Variants in FRMD4A observed in about 807,000 individuals in gnomAD.
FRMD4A encodes FERM domain containing 4A.
FRMD4A carries 29 observed loss-of-function variants against 129.1 expected under a neutral mutation model. That is an observed-to-expected ratio of 0.22 (90% confidence interval 0.17 to 0.31). FRMD4A has a LOEUF of 0.31. Among genes scored for constraint, FRMD4A ranks in the 10% least tolerant of loss-of-function variants. FRMD4A has a pLI of 1.00. For missense variants in FRMD4A, 1,272 were observed against 1,375.8 expected (o/e 0.92, Z 1.19); for synonymous variants, 634 against 571.6 (o/e 1.11, Z -1.56).
chr10:13,659,582 G>A, intron 20 of FRMD4A, 92 bp from the exon 21 acceptor site: 1 of 1,315,554 alleles, frequency 7.6e-7, no homozygotes, highest in East Asian at 2.3e-5. Context: ...CCCAGCATGT[G>A]GGGAAAGCTC....
At chr10:14,074,668 A>C (rs981937142) in intron 2 of FRMD4A, 1 of 152,132 alleles carries the variant, frequency 6.6e-6, no homozygotes, top group Non-Finnish European at 1.5e-5. Context: ...CCCCCTTACC[A>C]TTTTTGAGTC....
At chr10:13,873,100 C>A (rs1374504361) in intron 2 of FRMD4A, among the ~76,000 whole-genome samples, 10 of 151,198 alleles carry the variant, frequency 6.6e-5, no homozygotes, top group Admixed American at 4.6e-4. Flanking sequence ...CACTTGAACC[C>A]AGGAGGTGGA....
chr10:14,223,763 A>G (rs1331543441), intron 2 of FRMD4A, among the ~76,000 whole-genome samples: 16 of 125,218 alleles, frequency 1.3e-4, no homozygotes, highest in South Asian at 4.9e-4. Context: ...AAAAAAAAAA[A>G]AGAGAGAGAG....
intron 2 of FRMD4A, among the ~76,000 whole-genome samples, chr10:14,121,338 A>G (rs898023449): frequency 6.6e-6 from 1 of 152,220 alleles, no homozygotes; most frequent in African/African-American, 2.4e-5. Context: ...ACTGCACTCC[A>G]GCCTGGGCAG....
chr10:14,235,502 T>C (rs1843781443), intron 2 of FRMD4A, among the ~76,000 whole-genome samples: 1 of 152,114 alleles, frequency 6.6e-6, no homozygotes, highest in Non-Finnish European at 1.5e-5. Flanking sequence ...AAGCGCTCTG[T>C]TTTATGGTTG....
At chr10:14,003,576 CTG>C (rs2095650597) in intron 2 of FRMD4A, 1 of 152,226 alleles carries the variant, frequency 6.6e-6, no homozygotes, top group African/African-American at 2.4e-5. Flanking sequence ...TACAGCAACT[CTG>C]TAAGTATTTG....
intron 2 of FRMD4A, among the ~76,000 whole-genome samples, chr10:14,166,131 A>G (rs1219158687): frequency 6.6e-6 from 1 of 150,936 alleles, no homozygotes; most frequent in Non-Finnish European, 1.5e-5. Context: ...TATTTTATTA[A>G]CATACTATAC....
At chr10:13,927,376 C>A (rs528506843) in intron 2 of FRMD4A, among the ~76,000 whole-genome samples, 1 of 152,326 alleles carries the variant, frequency 6.6e-6, no homozygotes, top group Admixed American at 6.5e-5. Context: ...TTTCTAGAAC[C>A]TAGACTCCTC....
intron 2 of FRMD4A, among the ~76,000 whole-genome samples, chr10:14,024,159 C>T (rs1209643648): frequency 6.6e-6 from 1 of 152,228 alleles, no homozygotes; most frequent in Non-Finnish European, 1.5e-5. Flanking sequence ...ATGGACTATT[C>T]TGTGCCACTC....
At chr10:14,049,155 C>T (rs1459189577) in intron 2 of FRMD4A, among the ~76,000 whole-genome samples, 5 of 152,190 alleles carry the variant, frequency 3.3e-5, no homozygotes, top group Non-Finnish European at 4.4e-5. Flanking sequence ...GTGGCCTGTT[C>T]AGTTCATTAC....
intron 2 of FRMD4A, among the ~76,000 whole-genome samples, chr10:14,198,112 A>G (rs1842524053): frequency 6.6e-6 from 1 of 152,168 alleles, no homozygotes; most frequent in Non-Finnish European, 1.5e-5. Flanking sequence ...ACTCTCCCAG[A>G]GCGTATTAGC....
In FRMD4A at chr10:13,693,889, T is replaced by C; in HGVS notation, c.1117+9A>G. On this transcript the variant is annotated intron_variant, in intron 15 of 24. Coordinates refer to ENST00000357447, the MANE Select transcript of FRMD4A (RefSeq NM_018027.5). ...TCAGGGGGCGTCCCTCCAGCTGGCC[T>C]CTGCCTACCTGAAGACAGCAGGCTG... 1 of 1,608,560 alleles carries C rather than the reference T, an allele frequency of 6.2e-7. No individual in the cohort carries two copies. The highest frequency in any genetic ancestry group is 8.5e-7 in the Non-Finnish European group (1 of 1,178,164).
At chr10:13,702,539 CATGT>C (rs1406711896) in intron 13 of FRMD4A, among the ~76,000 whole-genome samples, 2 of 126,510 alleles carry the variant, frequency 1.6e-5, no homozygotes, top group Middle Eastern at 3.9e-3. Context: ...TGTGTGTTTG[CATGT>C]GTGTGTGTGT....
At chr10:13,803,057 G>A (rs1190573873) in intron 4 of FRMD4A, among the ~76,000 whole-genome samples, 2 of 150,398 alleles carry the variant, frequency 1.3e-5, no homozygotes, top group African/African-American at 2.4e-5. Flanking sequence ...GCTGAGGCAT[G>A]AGAATCACTT....
intron 2 of FRMD4A, among the ~76,000 whole-genome samples, chr10:13,986,505 G>T (rs2095581824): frequency 1.0e-5 from 1 of 99,598 alleles, no homozygotes; most frequent in Non-Finnish European, 1.9e-5. Context: ...TGTGGGGTGG[G>T]GGGAGGGGGG....
chr10:14,054,294 C>T (rs151256057), intron 2 of FRMD4A, among the ~76,000 whole-genome samples: 8 of 152,300 alleles, frequency 5.3e-5, no homozygotes, highest in East Asian at 1.9e-4. Context: ...GCCACCTCTT[C>T]TGTGGCTGCT....
At chr10:13,809,458 G>A (rs1433971765) in intron 4 of FRMD4A, among the ~76,000 whole-genome samples, 1 of 152,186 alleles carries the variant, frequency 6.6e-6, no homozygotes, top group Non-Finnish European at 1.5e-5. Context: ...GGAGAAAGGG[G>A]AGAGAATAAT....
chr10:14,059,468 T>TTTCTCG (rs2131699793), intron 2 of FRMD4A, among the ~76,000 whole-genome samples: 1 of 152,166 alleles, frequency 6.6e-6, no homozygotes, highest in East Asian at 1.9e-4. Flanking sequence ...GCCCTCTCTC[T>TTTCTCG]TTCTCTCTCT....
chr10:14,326,795 C>A, intron 2 of FRMD4A: 1 of 398,576 alleles, frequency 2.5e-6, no homozygotes, highest in South Asian at 1.3e-4. Context: ...GCTTCCCGCT[C>A]TACAATTAGT....
Sources: allele counts gnomAD v4.1 joint callset (sites outside exome capture counted in the v4.1 genomes callset), GRCh38; gene constraint gnomAD v4.1.1; transcripts MANE v1.5; gene names NCBI Gene and HGNC (gene_info 2026-07-23, HGNC 2026-07-21).